Variants in ACACA observed in about 807,000 individuals in gnomAD.
ACACA encodes the protein acetyl-CoA carboxylase alpha.
A neutral mutation model predicts 296.1 loss-of-function variants in ACACA; 103 were observed. The observed-to-expected ratio is 0.35, with a 90% CI of 0.30 to 0.41. ACACA has a LOEUF of 0.41. Ranked by LOEUF, ACACA falls within the 10% of genes least tolerant of loss-of-function variation. The probability of loss-of-function intolerance (pLI) is 1.00; values close to 1 mark genes in which losing one functional copy is unlikely to be tolerated. For synonymous variants in ACACA, 953 were observed against 1,038.6 expected (o/e 0.92, Z 1.58); for missense variants, 1,554 against 2,989.7 (o/e 0.52, Z 11.20).
At chr17:37,155,934 C>T (rs1216969404) in intron 42 of ACACA, among the ~76,000 whole-genome samples, 154 bp from the exon 43 acceptor site, 1 of 152,096 alleles carries the variant, frequency 6.6e-6, no homozygotes, top group East Asian at 1.9e-4. Context: ...CTAGCACAGA[C>T]AGTCCTCCTT....
chr17:37,217,501 C>T (rs904936482), intron 29 of ACACA, among the ~76,000 whole-genome samples: 6 of 151,400 alleles, frequency 4.0e-5, no homozygotes, highest in Non-Finnish European at 4.4e-5. Flanking sequence ...TTTGGGAGGC[C>T]GAGGTGGATG....
intron 52 of ACACA, among the ~76,000 whole-genome samples, chr17:37,109,487 A>G (rs554314530): frequency 6.6e-6 from 1 of 152,322 alleles, no homozygotes; most frequent in African/African-American, 2.4e-5. Context: ...TTCCAAGTCC[A>G]CTGCTCATGT....
chr17:37,336,329 T>C (rs1338141589), intron 2 of ACACA, among the ~76,000 whole-genome samples: 2 of 152,044 alleles, frequency 1.3e-5, no homozygotes, highest in East Asian at 1.9e-4. Context: ...CCAACAGCAG[T>C]TGGGTTTTCC....
At chr17:37,247,068 C>T in intron 18 of ACACA, 92 bp from the exon 19 acceptor site, 1 of 1,442,416 alleles carries the variant, frequency 6.9e-7, no homozygotes, top group South Asian at 1.1e-5. Context: ...GAAAAAAAAT[C>T]CTGAAAACTT....
At chr17:37,144,096 G>A (rs2075714301) in intron 45 of ACACA, 2 of 762,814 alleles carry the variant, frequency 2.6e-6, no homozygotes, top group East Asian at 2.4e-5. Flanking sequence ...AATGGGTCTT[G>A]TCTGTCTTTG....
intron 3 of ACACA, chr17:37,301,368 C>A (rs529086061): frequency 2.0e-6 from 2 of 985,162 alleles, no homozygotes; most frequent in Admixed American, 6.2e-5. Context: ...CAGTGTCCAA[C>A]GTAGACACAT....
intron 29 of ACACA, 46 bp from the exon 30 acceptor site, chr17:37,210,536 C>A: frequency 6.3e-7 from 1 of 1,580,800 alleles, no homozygotes. Context: ...TTAGTGAAAG[C>A]CATAATAAAA....
At chr17:37,258,501 G>C (rs2081313880) in intron 12 of ACACA, 128 bp from the exon 13 acceptor site, 1 of 853,426 alleles carries the variant, frequency 1.2e-6, no homozygotes, top group African/African-American at 1.7e-5. Context: ...TTTATAACCT[G>C]TATTCTACAA....
intron 45 of ACACA, among the ~76,000 whole-genome samples, 184 bp downstream of exon 45, chr17:37,149,680 G>A (rs1185991365): frequency 6.6e-6 from 1 of 152,162 alleles, no homozygotes; most frequent in Non-Finnish European, 1.5e-5. Flanking sequence ...TGAAATGAAT[G>A]AATGAATGAA....
chr17:37,333,484 G>A (rs1257952441), intron 2 of ACACA, among the ~76,000 whole-genome samples: 4 of 152,050 alleles, frequency 2.6e-5, no homozygotes, highest in African/African-American at 9.7e-5. Context: ...AGGAAACCAA[G>A]CCCCAGTACT....
At chr17:37,236,334 G>C (rs1354829945) in intron 24 of ACACA, among the ~76,000 whole-genome samples, 1 of 152,090 alleles carries the variant, frequency 6.6e-6, no homozygotes, top group Non-Finnish European at 1.5e-5. Flanking sequence ...TAGCTGTTCT[G>C]CATTAATATT....
At chr17:37,180,408 T>C (rs2077274317) in intron 40 of ACACA, among the ~76,000 whole-genome samples, 1 of 152,210 alleles carries the variant, frequency 6.6e-6, no homozygotes, top group African/African-American at 2.4e-5. Flanking sequence ...CTACATATAT[T>C]ACTTTACTAA....
chr17:37,314,749 T>C (rs1417323973), intron 3 of ACACA, among the ~76,000 whole-genome samples: 1 of 149,762 alleles, frequency 6.7e-6, no homozygotes, highest in Non-Finnish European at 1.5e-5. Flanking sequence ...CAAGTGATTC[T>C]CCTGCCTCAG....
intron 45 of ACACA, among the ~76,000 whole-genome samples, chr17:37,143,123 C>T (rs1228421576): frequency 6.6e-6 from 1 of 151,910 alleles, no homozygotes; most frequent in Admixed American, 6.6e-5. Context: ...AAATAAATTG[C>T]CCGAGGTCAC....
intron 3 of ACACA, chr17:37,299,438 GAGAT>G: frequency 6.3e-7 from 1 of 1,595,260 alleles, no homozygotes; most frequent in East Asian, 2.3e-5. Context: ...AGGAGGACAA[GAGAT>G]ACTGTGCCTT....
chr17:37,144,483 G>C (rs930277174), intron 45 of ACACA: 1 of 254,036 alleles, frequency 3.9e-6, no homozygotes, highest in African/African-American at 2.3e-5. Flanking sequence ...GTGTTTCACA[G>C]AGTCATGGGT....
At chr17:37,155,564 C>T in intron 43 of ACACA, 119 bp downstream of exon 43, 1 of 767,260 alleles carries the variant, frequency 1.3e-6, no homozygotes, top group South Asian at 1.4e-5. Context: ...CCTAAAACAT[C>T]TAGATTATGT....
At chr17:37,201,886 C>A (rs1321728937) in intron 33 of ACACA, among the ~76,000 whole-genome samples, 1 of 152,000 alleles carries the variant, frequency 6.6e-6, no homozygotes, top group East Asian at 1.9e-4. Context: ...TTCAATTCTG[C>A]GATGGCATTG....
intron 49 of ACACA, 117 bp downstream of exon 49, chr17:37,122,414 G>T (rs1011450479): frequency 1.2e-6 from 1 of 859,578 alleles, no homozygotes; most frequent in Non-Finnish European, 2.0e-6. Context: ...ATCATTCAAG[G>T]CTGCTGATGC....
Sources: allele counts gnomAD v4.1 joint callset (sites outside exome capture counted in the v4.1 genomes callset), GRCh38; gene constraint gnomAD v4.1.1; transcripts MANE v1.5; gene names NCBI Gene and HGNC (gene_info 2026-07-23, HGNC 2026-07-21).